The following IKZF3 variants were observed in gnomAD, a reference collection of about 807,000 sequenced individuals.
IKZF3 encodes the protein zinc finger protein Aiolos.
Under a neutral mutation model 49.0 loss-of-function variants are expected in IKZF3, and 10 were observed. That is an observed-to-expected ratio of 0.20 (90% confidence interval 0.13 to 0.35). The LOEUF (loss-of-function observed/expected upper bound fraction) is 0.35. IKZF3 is among the 10% of genes least tolerant of loss of function. The probability of loss-of-function intolerance (pLI) is 1.00; values close to 1 mark genes in which losing one functional copy is unlikely to be tolerated. For synonymous variants in IKZF3, 209 were observed against 228.2 expected (o/e 0.92, Z 0.76); for missense variants, 498 against 664.8 (o/e 0.75, Z 2.76).
At chr17:39,829,322 T>G in intron 3 of IKZF3, 65 bp downstream of exon 3, 1 of 1,108,928 alleles carries the variant, frequency 9.0e-7, no homozygotes, top group Admixed American at 2.0e-5. Flanking sequence ...AGCTGATTTC[T>G]TCTCTACACT....
In IKZF3 at chr17:39,777,653, A is replaced by G. The variant is rs756399430; in HGVS notation, c.824T>C (p.Ile275Thr). Residue 275 changes from isoleucine (I) to threonine (T), a missense_variant and splice_region_variant, in exon 7 of 8, where the codon ATT (isoleucine) becomes ACT (threonine). This residue lies in a region of IKZF3 where 317 missense variants were observed against 397.3 expected (regional missense o/e 0.80). Transcript: ENST00000346872. ...AGGAAAAAGGTTTGTATTCTTACCA[A>G]TGAATTTCTGAGGCATTGAGCTTTT... The part of the protein sequence containing the change: ...KRKSSMPQKF[I>T]GEKRHCFDVN... The G allele has an allele frequency of 3.1e-6, 5 of 1,608,874 alleles. No individual in the cohort carries two copies. The highest frequency in any genetic ancestry group is 1.3e-5 in the African/African-American group (1 of 74,918).
At chr17:39,804,661 T>G (rs1281588247) in intron 3 of IKZF3, among the ~76,000 whole-genome samples, 1 of 152,206 alleles carries the variant, frequency 6.6e-6, no homozygotes, top group Non-Finnish European at 1.5e-5. Context: ...GCCAGTCATC[T>G]AGTTGACTTC....
chr17:39,784,939 G>C (rs1181287309), intron 6 of IKZF3, among the ~76,000 whole-genome samples: 1 of 152,138 alleles, frequency 6.6e-6, no homozygotes, highest in Non-Finnish European at 1.5e-5. Flanking sequence ...TTGCAGGCAG[G>C]TTTGTCCACA....
chr17:39,768,980 T>G (rs1293971624), intron 7 of IKZF3, among the ~76,000 whole-genome samples: 1 of 152,206 alleles, frequency 6.6e-6, no homozygotes, highest in Non-Finnish European at 1.5e-5. Context: ...GTGAGATTAG[T>G]GTTAAAGACA....
chr17:39,797,548 G>A (rs985232242), intron 3 of IKZF3, among the ~76,000 whole-genome samples: 5 of 151,160 alleles, frequency 3.3e-5, no homozygotes, highest in South Asian at 2.1e-4. Context: ...TCAGCCTCCC[G>A]AGTAGCTGGG....
rs1419969107 is a variant in IKZF3, at chr17:39,864,109, T to G, written c.7+11A>C. 2 of 1,612,966 alleles carry G rather than the reference T, an allele frequency of 1.2e-6. No homozygotes were observed. Among genetic ancestry groups the G allele is most frequent in the Admixed American group, 3.3e-5 (2 of 60,004 alleles). ...AAGACCCCGGAGAAAAGAAGCGGGC[T>G]GGAGGCTCACCTTCCATGTCGCTGC... On this transcript the variant is annotated intron_variant, in intron 1 of 7. Coordinates refer to ENST00000346872, the MANE Select transcript of IKZF3 (RefSeq NM_012481.5).
At chr17:39,853,753 T>C (rs1214827983) in intron 1 of IKZF3, among the ~76,000 whole-genome samples, 1 of 150,648 alleles carries the variant, frequency 6.6e-6, no homozygotes, top group Non-Finnish European at 1.5e-5. Flanking sequence ...GAGAATCGCT[T>C]GGACCTGAGA....
chr17:39,833,076 A>G (rs920744088), intron 1 of IKZF3, among the ~76,000 whole-genome samples: 1 of 152,160 alleles, frequency 6.6e-6, no homozygotes, highest in African/African-American at 2.4e-5. Flanking sequence ...TGGATTCTAC[A>G]ATTAACATTT....
chr17:39,856,973 ATACTT>A (rs2144572912), intron 1 of IKZF3, among the ~76,000 whole-genome samples: 1 of 152,244 alleles, frequency 6.6e-6, no homozygotes, highest in South Asian at 2.1e-4. Context: ...ATCATCTTCA[ATACTT>A]TAAAGTCTGG....
At chr17:39,803,459 GA>G (rs976168398) in intron 3 of IKZF3, among the ~76,000 whole-genome samples, 2 of 149,030 alleles carry the variant, frequency 1.3e-5, no homozygotes, top group Non-Finnish European at 1.5e-5. Flanking sequence ...AAATCCGAAA[GA>G]AAAAAAACTT....
intron 1 of IKZF3, among the ~76,000 whole-genome samples, chr17:39,838,940 C>T (rs2062383546): frequency 1.3e-5 from 2 of 151,930 alleles, no homozygotes; most frequent in South Asian, 4.2e-4. Context: ...CTCAAGCAGT[C>T]CTCCTGCCTG....
At chr17:39,805,207 A>G (rs2061407106) in intron 3 of IKZF3, among the ~76,000 whole-genome samples, 1 of 152,200 alleles carries the variant, frequency 6.6e-6, no homozygotes, top group Non-Finnish European at 1.5e-5. Flanking sequence ...TACCAAACAA[A>G]CAAGGAAGTA....
At chr17:39,799,505 C>T (rs1017562730) in intron 3 of IKZF3, among the ~76,000 whole-genome samples, 1 of 152,200 alleles carries the variant, frequency 6.6e-6, no homozygotes, top group Admixed American at 6.5e-5. Context: ...AATCACCTTT[C>T]TCTCTATACT....
chr17:39,857,143 T>A (rs998316396), intron 1 of IKZF3, among the ~76,000 whole-genome samples: 4 of 152,176 alleles, frequency 2.6e-5, no homozygotes, highest in African/African-American at 9.7e-5. Context: ...TAGAGGTAGA[T>A]GACAGCAAAA....
At chr17:39,767,688 C>A (rs1316464366) in intron 7 of IKZF3, among the ~76,000 whole-genome samples, 2 of 152,106 alleles carry the variant, frequency 1.3e-5, no homozygotes, top group African/African-American at 4.8e-5. Flanking sequence ...ATTGGAAGAA[C>A]CAGTTCCTGT....
At chr17:39,823,841 C>T (rs1354443375) in intron 3 of IKZF3, among the ~76,000 whole-genome samples, 1 of 152,206 alleles carries the variant, frequency 6.6e-6, no homozygotes, top group African/African-American at 2.4e-5. Context: ...CATCGGATGT[C>T]CAGACAGAAG....
chr17:39,856,167 G>A (rs545236564), intron 1 of IKZF3, among the ~76,000 whole-genome samples: 4 of 152,142 alleles, frequency 2.6e-5, no homozygotes, highest in South Asian at 4.1e-4. Context: ...CATGTTACAT[G>A]TCTTTGTTAG....
At chr17:39,775,902 C>T (rs961609045) in intron 7 of IKZF3, among the ~76,000 whole-genome samples, 3 of 146,272 alleles carry the variant, frequency 2.1e-5, no homozygotes, top group Non-Finnish European at 4.5e-5. Context: ...CCAGCCTGGG[C>T]GACAAGAGTG....
chr17:39,775,399 T>C (rs2060553019), intron 7 of IKZF3, among the ~76,000 whole-genome samples: 2 of 152,138 alleles, frequency 1.3e-5, no homozygotes, highest in Admixed American at 1.3e-4. Flanking sequence ...AATCCTCTGG[T>C]TGCAATTGTA....
Sources: gnomAD v4.1 joint callset for allele counts (sites outside exome capture counted in the v4.1 genomes callset) on GRCh38, gnomAD v4.1.1 for gene constraint, gnomAD v4.1.1 regional missense constraint, MANE v1.5 for transcripts, NCBI Gene and HGNC (gene_info 2026-07-23, HGNC 2026-07-21) for gene names.